MICAL1: variants seen among roughly 807,000 people sequenced by gnomAD.
MICAL1 encodes the protein microtubule associated monooxygenase, calponin and LIM domain containing 1, also known as [F-actin]-monooxygenase MICAL1.
Under a neutral mutation model 131.8 loss-of-function variants are expected in MICAL1, and 95 were observed. The observed-to-expected ratio is 0.72, with a 90% CI of 0.61 to 0.86. MICAL1 has a LOEUF of 0.86. Ranked by LOEUF, MICAL1 falls within the 40% of genes least tolerant of loss-of-function variation. The pLI, the probability that MICAL1 is intolerant of heterozygous loss-of-function variation, is 0.00. For missense variants in MICAL1, 1,292 were observed against 1,380.6 expected, an observed-to-expected ratio of 0.94 and a Z score of 1.02; for synonymous variants, 546 against 554.2, an observed-to-expected ratio of 0.99 and a Z score of 0.21.
At position 109,446,681 on chromosome 6, in the gene MICAL1, G is replaced by A. The variant is rs762059607; in HGVS notation, c.2304+15C>T. The A allele has an allele frequency of 3.0e-5, 49 of 1,611,416 alleles. No homozygotes were observed. The highest frequency in any genetic ancestry group is 2.2e-4 in the Admixed American group (13 of 59,838). On this transcript the variant is annotated intron_variant, in intron 18 of 24. Transcript: ENST00000358807. ...TTCCCATGCCCCAATATACATACAC[G>A]CCTTCAGTCTTTACCGGACTCTCAG...
In MICAL1 at chr6:109,453,215, G is replaced by GGGGGAGAT. The variant is rs758898926; in HGVS notation, c.571+47_571+48insATCTCCCC. ...CCATCCTTTTTCAGACACTGGCCAAGTTCTTGATGGGGGAGGGGGAGATTC... is the reference window on the plus strand; with the variant it reads ...CCATCCTTTTTCAGACACTGGCCAAGGGGGAGATTTCTTGATGGGGGAGGGGGAGATTC... On this transcript the variant is annotated intron_variant, in intron 4 of 24. Transcript: ENST00000358807. The GGGGGAGAT allele has an allele frequency of 6.0e-6, 9 of 1,498,010 alleles. No homozygotes were observed. The East Asian group carries it at 1.4e-4, about 23-fold the overall frequency. 92.8% of individuals were successfully genotyped at this position (1,498,010 alleles called of 1,614,324 possible).
At chr6:109,445,053 G>A in intron 22 of MICAL1, 58 bp from the exon 23 acceptor site, 1 of 1,595,862 alleles carries the variant, frequency 6.3e-7, no homozygotes, top group Non-Finnish European at 8.6e-7. Flanking sequence ...CACCACAGGA[G>A]TTACAGGCTT....
chr6:109,448,751 G>T lies in MICAL1; in HGVS notation c.1645C>A (p.Arg549=), dbSNP rs372442120. Reference sequence around the variant, plus strand: ...ACTCACAGCAGGCCAGGCTGCAGCCGGTACACCAGGGCACACAGAGCTAGC... The same window carrying T: ...ACTCACAGCAGGCCAGGCTGCAGCCTGTACACCAGGGCACACAGAGCTAGC... ...DGLALCALVY[R]LQPGLLEPSE... is the part of the protein sequence containing the mutation. Residue 549 remains arginine, a synonymous_variant, in exon 12 of 25, where the codon CGG becomes AGG. Transcript: ENST00000358807. 2 of 1,614,034 alleles carry T rather than the reference G, an allele frequency of 1.2e-6. No homozygotes were observed. Among genetic ancestry groups the T allele is most frequent in the South Asian group, 2.2e-5 (2 of 91,082 alleles).
At chr6:109,464,932 A>C (rs1382093631) in intron 1 of MICAL1, 1 of 152,216 alleles carries the variant, frequency 6.6e-6, no homozygotes, top group Non-Finnish European at 1.5e-5. Context: ...CATTTTCAGG[A>C]GATCAGTTAG....
intron 19 of MICAL1, 117 bp downstream of exon 19, chr6:109,446,019 C>CT: frequency 2.0e-6 from 3 of 1,467,270 alleles, no homozygotes; most frequent in Non-Finnish European, 1.8e-6. Context: ...AGAGGAGAGG[C>CT]TGCCACGGCC....
chr6:109,450,466 G>A lies in MICAL1; in HGVS notation c.1025C>T (p.Thr342Ile). 1 of 1,613,436 alleles carries A rather than the reference G, an allele frequency of 6.2e-7. No homozygotes were observed. Among genetic ancestry groups the A allele is most frequent in the Middle Eastern group, 1.7e-4 (1 of 6,056 alleles). Residue 342 changes from threonine to isoleucine, a missense_variant, in exon 8 of 25, where the codon ACC (threonine) becomes ATC (isoleucine). Thr to Ile is a moderately conservative substitution (Grantham distance 89). Transcript: ENST00000358807. ...CTCTAGTTTCCCGAGCTTGCCATGG[G>A]TGGCAAAGTCAGCAGCTGCCCGGGT... ...RFTRAAADFA[T>I]HGKLGKLEFA...
chr6:109,448,815 TC>T lies in MICAL1; in HGVS notation c.1580del (p.Gly527GlufsTer15). On this transcript the variant is annotated frameshift_variant, in exon 12 of 25. Transcript: ENST00000358807. LOFTEE classifies it high-confidence loss of function. ...AGGAAGACAAATCGGAGACGTGGAC[TC>T]CCGGGTACCCAGCTGTCTGCTCCTG... ...WCQEQTAGYP[G>X]VHVSDLSSSW... The T allele has an allele frequency of 6.2e-7, 1 of 1,613,924 alleles. No homozygotes were observed. The highest frequency in any genetic ancestry group is 8.5e-7 in the Non-Finnish European group (1 of 1,179,962).
chr6:109,464,119 A>G (rs1261705077), intron 1 of MICAL1: 4 of 152,210 alleles, frequency 2.6e-5, no homozygotes, highest in Non-Finnish European at 5.9e-5. Context: ...TTTAAACGAG[A>G]ACCTGAAATA....
chr6:109,455,763 A>G lies in MICAL1; in HGVS notation c.-88T>C. 2.2e-6 allele frequency: 2 copies of G among 930,156 alleles called. No homozygotes were observed. Among genetic ancestry groups the G allele is most frequent in the Non-Finnish European group, 2.5e-6 (2 of 793,588 alleles). 57.6% of individuals were successfully genotyped at this position (930,156 alleles called of 1,614,324 possible). ...AGGGGCCGCTTCCTGTTGGGCTGGC[A>G]ACCAGGTCTGAGCGGGTGGGAGGGC... On this transcript the variant is annotated 5_prime_UTR_variant, in exon 1 of 25. Coordinates refer to ENST00000358807, the MANE Select transcript of MICAL1 (RefSeq NM_022765.4). The surrounding 1 kb of genome is among the most constrained non-coding windows in gnomAD (Gnocchi z 4.7).
chr6:109,448,160 C>CCT, intron 13 of MICAL1, 43 bp downstream of exon 13: 1 of 1,557,830 alleles, frequency 6.4e-7, no homozygotes, highest in Non-Finnish European at 8.7e-7. Flanking sequence ...CACACACACA[C>CCT]CTCCCCATCC....
chr6:109,458,123 G>GA (rs34496161), upstream of MICAL1, among the ~76,000 whole-genome samples: 47,821 of 137,020 alleles, frequency 0.35, 7,724 homozygotes, highest in Middle Eastern at 0.51. Context: ...TTTCTTCCAA[G>GA]AAAAAAAAAA....
At chr6:109,446,647 C>G (rs762815196) in intron 18 of MICAL1, 49 bp downstream of exon 18, 2 of 1,584,672 alleles carry the variant, frequency 1.3e-6, no homozygotes, top group African/African-American at 1.3e-5. Flanking sequence ...TGACGAGACC[C>G]TCTTCCTCTT....
In MICAL1 at chr6:109,451,712, G is replaced by A; in HGVS notation, c.833-12C>T. On this transcript the variant is annotated splice_polypyrimidine_tract_variant and intron_variant, in intron 6 of 24. Transcript: ENST00000358807. Reference sequence around the variant, plus strand: ...CTCCAGATCAATGCCTGGGGGTACAGGGCAGGGGACAGTAGATATGTCTCC... The same window carrying A: ...CTCCAGATCAATGCCTGGGGGTACAAGGCAGGGGACAGTAGATATGTCTCC... 1.2e-6 allele frequency: 2 copies of A among 1,613,686 alleles called. No individual in the cohort carries two copies. The highest frequency in any genetic ancestry group is 1.7e-6 in the Non-Finnish European group (2 of 1,179,796).
intron 6 of MICAL1, chr6:109,452,006 G>A: frequency 1.4e-6 from 2 of 1,394,406 alleles, no homozygotes; most frequent in Non-Finnish European, 1.9e-6. Context: ...TACCACTTAA[G>A]CAAAACTCCC....
chr6:109,448,109 C>CACACACACACACACACACACACACAT, intron 13 of MICAL1, 94 bp downstream of exon 13: 1 of 1,363,596 alleles, frequency 7.3e-7, no homozygotes, highest in Non-Finnish European at 9.8e-7. Flanking sequence ...CACACACACA[C>CACACACACACACACACACACACACAT]ACACACACCG....
upstream of MICAL1, among the ~76,000 whole-genome samples, chr6:109,460,736 A>C (rs1226553126): frequency 1.3e-5 from 2 of 152,250 alleles, no homozygotes; most frequent in East Asian, 3.9e-4. Flanking sequence ...AGCAAAACAA[A>C]GAGTTTTCTT....
upstream of MICAL1, chr6:109,455,935 G>T (rs1775733686): frequency 1.0e-6 from 1 of 985,386 alleles, no homozygotes; most frequent in Non-Finnish European, 1.2e-6. This position sits in a 1 kb window ranked among gnomAD's most constrained non-coding sequence, Gnocchi z 4.7. Context: ...CGACTCATTA[G>T]CATCTCATTA....
chr6:109,455,629 G>T lies in MICAL1; in HGVS notation c.-44+90C>A. ...GCCTGACCTGCCAGGCGTGGTTCCC[G>T]AGCGACCGCAGCTGCGTTTCCCCGG... On this transcript the variant is annotated intron_variant, in intron 1 of 24. Coordinates refer to ENST00000358807, the MANE Select transcript of MICAL1 (RefSeq NM_022765.4). This position sits in a 1 kb window ranked among gnomAD's most constrained non-coding sequence, Gnocchi z 4.7. 1.1e-6 allele frequency: 1 copy of T among 881,166 alleles called. No individual in the cohort carries two copies. Among genetic ancestry groups the T allele is most frequent in the East Asian group, 1.2e-4 (1 of 8,308 alleles). 54.6% of individuals were successfully genotyped at this position (881,166 alleles called of 1,614,324 possible).
chr6:109,446,438 G>C (rs752761783), intron 18 of MICAL1, 26 bp from the exon 19 acceptor site: 2 of 738,648 alleles, frequency 2.7e-6, no homozygotes, highest in Non-Finnish European at 1.8e-6. Context: ...TGTGGAGTGA[G>C]GTCGGGGGGT....
Sources: allele counts gnomAD v4.1 joint callset (sites outside exome capture counted in the v4.1 genomes callset), GRCh38; gene constraint gnomAD v4.1.1; non-coding constraint Gnocchi (gnomAD v3.1); transcripts MANE v1.5; gene names NCBI Gene and HGNC (gene_info 2026-07-23, HGNC 2026-07-21).